Variants in RUNDC1 observed in about 807,000 individuals in gnomAD.
RUNDC1 encodes the protein RUN domain-containing protein 1.
RUNDC1 carries 31 observed loss-of-function variants against 49.3 expected under a neutral mutation model. The observed-to-expected ratio is 0.63, with a 90% CI of 0.47 to 0.85. RUNDC1 has a LOEUF of 0.85. Ranked by LOEUF, RUNDC1 falls within the 40% of genes least tolerant of loss-of-function variation. RUNDC1 has a pLI of 0.00. For synonymous variants in RUNDC1, 347 were observed against 348.6 expected (o/e 1.00, Z 0.05); for missense variants, 715 against 806.7 (o/e 0.89, Z 1.38).
At chr17:42,986,506 CT>C (rs912654680) in intron 1 of RUNDC1, among the ~76,000 whole-genome samples, 1 of 150,658 alleles carries the variant, frequency 6.6e-6, no homozygotes. Flanking sequence ...GAGTTTTTTT[CT>C]TTTTTTTTGA....
chr17:42,986,200 A>G (rs2050169378), intron 1 of RUNDC1, among the ~76,000 whole-genome samples: 1 of 151,048 alleles, frequency 6.6e-6, no homozygotes, highest in Admixed American at 6.6e-5. Context: ...TGAAGCCTTG[A>G]CCTCTTGTGC....
chr17:42,980,934 C>G lies in RUNDC1; in HGVS notation c.358C>G (p.Gln120Glu). The change falls in exon 1 of 5, where the codon CAG becomes GAG. Residue 120 changes from glutamine to glutamate, a missense_variant. Physicochemically the swap from Gln to Glu is conservative, Grantham distance 29. Around this residue, in one of 5 missense-constraint regions of RUNDC1, gnomAD observed 113 missense variants for 93.4 expected, o/e 1.21. Transcript: ENST00000361677. ...GGTGCGCGGGGCGCCGGCGGAGCAG[C>G]AGCGCCTTCTGCGGGAGCTCGAAGA... ...QVVRGAPAEQ[Q>E]RLLRELEDFA... The G allele has an allele frequency of 6.5e-7, 1 of 1,537,610 alleles. No homozygotes were observed. The highest frequency in any genetic ancestry group is 8.7e-7 in the Non-Finnish European group (1 of 1,148,470).
At chr17:42,981,607 A>G (rs180809251) in intron 1 of RUNDC1, 1 of 152,866 alleles carries the variant, frequency 6.5e-6, no homozygotes, top group Non-Finnish European at 1.5e-5. Flanking sequence ...AGTAACTGAA[A>G]TAAACACAAC....
At chr17:42,982,856 A>T (rs1375106933) in intron 1 of RUNDC1, among the ~76,000 whole-genome samples, 1 of 151,086 alleles carries the variant, frequency 6.6e-6, no homozygotes, top group Non-Finnish European at 1.5e-5. Context: ...ACATGGTGGC[A>T]CATTCCTGTA....
intron 1 of RUNDC1, among the ~76,000 whole-genome samples, chr17:42,986,169 T>TC (rs1391309616): frequency 1.3e-5 from 2 of 151,814 alleles, no homozygotes; most frequent in East Asian, 3.9e-4. Flanking sequence ...TAATTTTTTT[T>TC]TTCTTTGAGA....
intron 1 of RUNDC1, among the ~76,000 whole-genome samples, chr17:42,986,991 G>C (rs1405321312): frequency 6.6e-6 from 1 of 152,138 alleles, no homozygotes; most frequent in Non-Finnish European, 1.5e-5. Flanking sequence ...GGGAAAAAAG[G>C]CAGTCTTAAC....
chr17:42,988,339 G>A (rs570609146), intron 2 of RUNDC1, among the ~76,000 whole-genome samples: 1 of 150,368 alleles, frequency 6.7e-6, no homozygotes, highest in East Asian at 2.0e-4. Flanking sequence ...TGCAACCTCC[G>A]CCTCCAGGGT....
At chr17:42,981,392 C>G in intron 1 of RUNDC1, 1 of 334,196 alleles carries the variant, frequency 3.0e-6, no homozygotes, top group East Asian at 4.9e-5. Context: ...GCTGCGCCCA[C>G]TCACCTTTCC....
At chr17:42,985,689 C>T (rs1458612029) in intron 1 of RUNDC1, 1 of 977,572 alleles carries the variant, frequency 1.0e-6, no homozygotes. Flanking sequence ...ATGTAATACG[C>T]TGTAGACTTC....
At chr17:42,983,501 G>A (rs542479384) in intron 1 of RUNDC1, among the ~76,000 whole-genome samples, 2 of 149,144 alleles carry the variant, frequency 1.3e-5, no homozygotes, top group Admixed American at 6.8e-5. Context: ...TCAGCCTCTC[G>A]AGTAACTGGG....
chr17:42,981,329 G>A (rs959389061), intron 1 of RUNDC1: 8 of 509,642 alleles, frequency 1.6e-5, no homozygotes, highest in African/African-American at 2.0e-5. Context: ...AGTGGTAGAG[G>A]AGCGGTGAGC....
In RUNDC1 at chr17:42,992,132, G is replaced by C. The variant is rs554549661; in HGVS notation, c.*416G>C. 1.1e-5 allele frequency: 2 copies of C among 178,896 alleles called. No homozygotes were observed. The highest frequency in any genetic ancestry group is 1.1e-4 in the Admixed American group (2 of 18,350). 11.1% of individuals were successfully genotyped at this position (178,896 alleles called of 1,614,324 possible). ...CGGGAGGCTGAGGCAGGAGAATGGC[G>C]TGAACCCAGGAGGCGGAGCTTGCAG... On this transcript the variant is annotated 3_prime_UTR_variant, in exon 5 of 5. Transcript: ENST00000361677.
At position 42,994,001 on chromosome 17, in the gene RUNDC1, C is replaced by A. The variant is rs519009; in HGVS notation, c.*2285C>A. Among the ~76,000 whole-genome samples the A allele has an allele frequency of 0.98, 149,400 of 152,266 alleles. 73,361 individuals carry two copies. The highest frequency in any genetic ancestry group is 1 in the Middle Eastern group (294 of 294). Reference sequence around the variant, plus strand: ...TAGCCTTCTGAGTAGCTGGGAGTACCGGCGCCTGCCACCACGCCTGGCTAA... The same window carrying A: ...TAGCCTTCTGAGTAGCTGGGAGTACAGGCGCCTGCCACCACGCCTGGCTAA... On this transcript the variant is annotated 3_prime_UTR_variant, in exon 5 of 5. Transcript: ENST00000361677.
intron 1 of RUNDC1, among the ~76,000 whole-genome samples, chr17:42,984,869 CTTTT>C (rs1486752257): frequency 1.5e-5 from 2 of 137,514 alleles, no homozygotes; most frequent in South Asian, 2.4e-4. Context: ...TCATTCTTTT[CTTTT>C]TCTTTTTCTT....
rs1399916655 is a variant in RUNDC1 at position 42,981,085 on chromosome 17, G to A, written c.498+11G>A. On this transcript the variant is annotated intron_variant, in intron 1 of 4. Coordinates refer to ENST00000361677, the MANE Select transcript of RUNDC1 (RefSeq NM_173079.5). ...CGGGGCGAGGACCAGGTGAGTGGCT[G>A]GAGCCGGGCCGCGAGGAATATGGGA... 5.1e-6 allele frequency: 8 copies of A among 1,554,924 alleles called. No homozygotes were observed. The highest frequency in any genetic ancestry group is 6.9e-6 in the Non-Finnish European group (8 of 1,158,590).
rs1166167209 is a variant in RUNDC1, at chr17:42,994,201, G to T, written c.*2485G>T. ...TCCACTTGTCTGGATATCACTTTGGGTGGTAACTGGTATAGCCATATGGCG... is the reference window on the plus strand; with the variant it reads ...TCCACTTGTCTGGATATCACTTTGGTTGGTAACTGGTATAGCCATATGGCG... On this transcript the variant is annotated 3_prime_UTR_variant, in exon 5 of 5. Coordinates refer to ENST00000361677, the MANE Select transcript of RUNDC1 (RefSeq NM_173079.5). Among the ~76,000 whole-genome samples the T allele has an allele frequency of 6.6e-6, 1 of 152,236 alleles. No homozygotes were observed. Among genetic ancestry groups the T allele is most frequent in the Non-Finnish European group, 1.5e-5 (1 of 68,036 alleles).
chr17:42,991,316 A>G lies in RUNDC1; in HGVS notation c.1442A>G (p.His481Arg), dbSNP rs140037579. The change falls in exon 5 of 5, where the codon CAT (histidine) becomes CGT (arginine). Residue 481 changes from histidine (H) to arginine (R), a missense_variant. By Grantham distance (29) the His-to-Arg change is conservative. Coordinates refer to ENST00000361677, the MANE Select transcript of RUNDC1 (RefSeq NM_173079.5). ...HPWELFVKYY[H>R]AKNGRAYVES... ...TGGGAGCTCTTTGTAAAGTACTACC[A>G]TGCTAAGAACGGCCGTGCTTATGTG... is the stretch of plus-strand genomic sequence containing the variant. 376 of 1,614,056 alleles carry G rather than the reference A, an allele frequency of 2.3e-4. No homozygotes were observed. Among genetic ancestry groups the G allele is most frequent in the Middle Eastern group, 4.9e-4 (3 of 6,084 alleles).
chr17:42,989,353 G>A lies in RUNDC1; in HGVS notation c.670G>A (p.Glu224Lys). 6.2e-7 allele frequency: 1 copy of A among 1,613,678 alleles called. No individual in the cohort carries two copies. Reference sequence around the variant, plus strand: ...GTGATCTTGGTAGGTGATCATAGATGAGTTAATAAAGAAACTGGACATGAA... The same window carrying A: ...GTGATCTTGGTAGGTGATCATAGATAAGTTAATAAAGAAACTGGACATGAA... ...VLERQRVIID[E>K]LIKKLDMNLN... The change falls in exon 3 of 5, where the codon GAG (glutamate) becomes AAG (lysine). Residue 224 changes from glutamate (E) to lysine (K), a missense_variant. Transcript: ENST00000361677.
rs770751462 is a variant in RUNDC1, at chr17:42,991,522, C to T, written c.1648C>T (p.Arg550Cys). ...GGTGTGCATGGCACTGAATGAGCAG[C>T]GTCTGGTGTCCTGGGTGAACCTCAT... is the stretch of plus-strand genomic sequence containing the variant. ...ALVCMALNEQ[R>C]LVSWVNLICK... Residue 550 changes from arginine to cysteine, a missense_variant, in exon 5 of 5, where the codon CGT (arginine) becomes TGT (cysteine). By Grantham distance (180) the Arg-to-Cys change is radical. Coordinates refer to ENST00000361677, the MANE Select transcript of RUNDC1 (RefSeq NM_173079.5). 1.1e-5 allele frequency: 18 copies of T among 1,614,130 alleles called. No homozygotes were observed. Among genetic ancestry groups the T allele is most frequent in the Middle Eastern group, 1.6e-4 (1 of 6,062 alleles).
Sources: allele counts gnomAD v4.1 joint callset (sites outside exome capture counted in the v4.1 genomes callset), GRCh38; gene constraint gnomAD v4.1.1; regional missense constraint gnomAD v4.1.1; transcripts MANE v1.5; gene names NCBI Gene and HGNC (gene_info 2026-07-23, HGNC 2026-07-21).